The following PHACTR1 variants were observed in gnomAD, a reference collection of about 807,000 sequenced individuals.
PHACTR1 encodes the protein RPEL repeat containing 1.
In PHACTR1, 16 loss-of-function variants were observed where a neutral mutation model predicts 69.2. That is an observed-to-expected ratio of 0.23 (90% confidence interval 0.16 to 0.35). PHACTR1 has a LOEUF of 0.35. Among genes scored for constraint, PHACTR1 ranks in the 10% least tolerant of loss-of-function variants. The pLI, the probability that PHACTR1 is intolerant of heterozygous loss-of-function variation, is 1.00. For missense variants in PHACTR1, 510 were observed against 734.7 expected (o/e 0.69, Z 3.54); for synonymous variants, 312 against 284.5 (o/e 1.10, Z -0.97).
chr6:13,137,679 C>T (rs575089975), intron 5 of PHACTR1, among the ~76,000 whole-genome samples: 7 of 152,310 alleles, frequency 4.6e-5, no homozygotes, highest in Middle Eastern at 3.4e-3. Context: ...TGCATTTGTG[C>T]GCTGGGAATG....
intron 6 of PHACTR1, among the ~76,000 whole-genome samples, chr6:13,173,506 A>G (rs1381708900): frequency 6.6e-6 from 1 of 152,232 alleles, no homozygotes; most frequent in Non-Finnish European, 1.5e-5. Flanking sequence ...CCTCAGAAAC[A>G]TTTCCAACTT....
chr6:12,855,869 C>A (rs886844544), intron 4 of PHACTR1, among the ~76,000 whole-genome samples: 15 of 152,062 alleles, frequency 9.9e-5, no homozygotes, highest in African/African-American at 3.6e-4. Flanking sequence ...AACAGTATTA[C>A]CTGAGAATAA....
intron 4 of PHACTR1, among the ~76,000 whole-genome samples, chr6:12,778,799 A>T (rs1400548721): frequency 1.3e-5 from 2 of 152,234 alleles, no homozygotes; most frequent in Non-Finnish European, 2.9e-5. Flanking sequence ...TCAATGCCAT[A>T]AAACACTTAA....
At chr6:12,932,646 A>G (rs1788994115) in intron 4 of PHACTR1, among the ~76,000 whole-genome samples, 1 of 152,214 alleles carries the variant, frequency 6.6e-6, no homozygotes. Flanking sequence ...CTTCTCTCTT[A>G]AGCTAAACAA....
chr6:12,931,344 C>T (rs1788848448), intron 4 of PHACTR1, among the ~76,000 whole-genome samples: 1 of 152,130 alleles, frequency 6.6e-6, no homozygotes, highest in South Asian at 2.1e-4. Flanking sequence ...TAAGTTTAGT[C>T]TCAGGGTCAT....
chr6:12,932,379 G>A (rs563975410), intron 4 of PHACTR1, among the ~76,000 whole-genome samples: 152 of 152,176 alleles, frequency 1.0e-3, no homozygotes, highest in African/African-American at 3.4e-3. Context: ...AGCAAGTATG[G>A]CCAATGCTAT....
At chr6:12,984,636 TTG>T (rs770631102) in intron 4 of PHACTR1, among the ~76,000 whole-genome samples, 11 of 152,370 alleles carry the variant, frequency 7.2e-5, no homozygotes, top group Non-Finnish European at 1.3e-4. Context: ...ACTTTCGATT[TTG>T]TCATTCCATG....
chr6:13,216,266 C>G (rs1056143230), intron 8 of PHACTR1, among the ~76,000 whole-genome samples: 4 of 152,184 alleles, frequency 2.6e-5, no homozygotes, highest in Admixed American at 2.6e-4. Flanking sequence ...CATGTTGCCT[C>G]AAGGGTCACA....
At chr6:13,022,003 G>A (rs994127826) in intron 4 of PHACTR1, among the ~76,000 whole-genome samples, 12 of 152,292 alleles carry the variant, frequency 7.9e-5, no homozygotes, top group Middle Eastern at 3.4e-3. Flanking sequence ...CTGCAGCTGA[G>A]CTGTCTGTCC....
intron 7 of PHACTR1, 136 bp downstream of exon 7, chr6:13,182,822 AG>A (rs956531884): frequency 1.2e-6 from 1 of 831,530 alleles, no homozygotes; most frequent in Non-Finnish European, 1.7e-6. Flanking sequence ...TTAGTGAAAC[AG>A]ATTAGTTTTT....
chr6:12,871,275 A>T (rs1482209016), intron 4 of PHACTR1, among the ~76,000 whole-genome samples: 1 of 152,204 alleles, frequency 6.6e-6, no homozygotes, highest in Admixed American at 6.5e-5. Context: ...CACCTGATTC[A>T]CTAGACATTT....
chr6:12,736,481 A>G (rs1006532153), intron 3 of PHACTR1, among the ~76,000 whole-genome samples: 1 of 152,204 alleles, frequency 6.6e-6, no homozygotes, highest in Non-Finnish European at 1.5e-5. Context: ...CAGTAAGTCT[A>G]GGACATATTA....
At chr6:13,010,791 C>T (rs1165020157) in intron 4 of PHACTR1, among the ~76,000 whole-genome samples, 1 of 151,646 alleles carries the variant, frequency 6.6e-6, no homozygotes, top group Non-Finnish European at 1.5e-5. Context: ...ATCACAGGAG[C>T]TCGTCCTCAT....
At chr6:13,226,293 A>C (rs538803728) in intron 8 of PHACTR1, among the ~76,000 whole-genome samples, 1 of 152,364 alleles carries the variant, frequency 6.6e-6, no homozygotes, top group African/African-American at 2.4e-5. Context: ...GAAGGAAGTT[A>C]ATTGAATTTA....
intron 14 of PHACTR1, among the ~76,000 whole-genome samples, chr6:13,286,456 T>G (rs1781714507): frequency 6.6e-6 from 1 of 152,204 alleles, no homozygotes; most frequent in African/African-American, 2.4e-5. Context: ...TCATTTAAAC[T>G]AAAGGTCTGA....
intron 4 of PHACTR1, among the ~76,000 whole-genome samples, chr6:12,969,298 T>C (rs535027659): frequency 1.4e-4 from 21 of 152,356 alleles, no homozygotes; most frequent in African/African-American, 4.3e-4. Flanking sequence ...GAATTCATAC[T>C]TGACTTCTCT....
At chr6:12,862,417 T>C (rs943093068) in intron 4 of PHACTR1, among the ~76,000 whole-genome samples, 6 of 152,058 alleles carry the variant, frequency 3.9e-5, no homozygotes, top group Admixed American at 6.6e-5. Flanking sequence ...GCACTAGATC[T>C]GGGAGACTGT....
chr6:12,767,948 G>T (rs1483686242), intron 4 of PHACTR1, among the ~76,000 whole-genome samples: 1 of 152,072 alleles, frequency 6.6e-6, no homozygotes, highest in Non-Finnish European at 1.5e-5. Flanking sequence ...TGCATAATGG[G>T]CTTGGCGTTT....
At chr6:12,812,407 T>A (rs1276043671) in intron 4 of PHACTR1, among the ~76,000 whole-genome samples, 1 of 152,228 alleles carries the variant, frequency 6.6e-6, no homozygotes, top group Non-Finnish European at 1.5e-5. Context: ...TTTAAGTGTG[T>A]CATCACGTGG....
Sources: allele counts gnomAD v4.1 joint callset (sites outside exome capture counted in the v4.1 genomes callset), GRCh38; gene constraint gnomAD v4.1.1; transcripts MANE v1.5; gene names NCBI Gene and HGNC (gene_info 2026-07-23, HGNC 2026-07-21).